The following KIF26B variants were observed in gnomAD, a reference collection of about 807,000 sequenced individuals.
KIF26B encodes the protein kinesin-like protein KIF26B.
A neutral mutation model predicts 151.2 loss-of-function variants in KIF26B; 63 were observed. The ratio of observed to expected loss-of-function variants is 0.42; its 90% CI spans 0.34 to 0.51. The LOEUF (loss-of-function observed/expected upper bound fraction) is 0.51. Among genes scored for constraint, KIF26B ranks in the 20% least tolerant of loss-of-function variants. The pLI is 0.07. For missense variants in KIF26B, 2,813 were observed against 2,913.6 expected (o/e 0.97, Z 0.79); for synonymous variants, 1,357 against 1,262.1 (o/e 1.08, Z -1.59).
At position 245,512,092 on chromosome 1, in the gene KIF26B, G is replaced by A. The variant is rs974613603; in HGVS notation, c.1167-28675G>A. Among the ~76,000 whole-genome samples, 10 of 152,076 alleles carry A rather than the reference G, an allele frequency of 6.6e-5. No individual in the cohort carries two copies. Among genetic ancestry groups the A allele is most frequent in the Non-Finnish European group, 1.3e-4 (9 of 68,010 alleles). ...TGGCTGATATTTTTTATGGTCATTT[G>A]CAACTTTTTAAAAAAAGTCCATACG... On this transcript the variant is annotated intron_variant, in intron 4 of 14. Transcript: ENST00000407071. This position sits in a 1 kb window ranked among gnomAD's most constrained non-coding sequence, Gnocchi z 4.3.
At chr1:245,175,695 G>A (rs967797935) in intron 2 of KIF26B, among the ~76,000 whole-genome samples, 2 of 152,074 alleles carry the variant, frequency 1.3e-5, no homozygotes, top group African/African-American at 4.8e-5. Context: ...AAATAGTGAA[G>A]AGACCATAAT....
intron 5 of KIF26B, among the ~76,000 whole-genome samples, chr1:245,583,434 C>T (rs1388302004): frequency 6.6e-6 from 1 of 152,178 alleles, no homozygotes; most frequent in African/African-American, 2.4e-5. Context: ...GAGACTCTCT[C>T]TCTCTGCATG....
chr1:245,531,227 A>T (rs1661351282), intron 4 of KIF26B, among the ~76,000 whole-genome samples: 1 of 152,236 alleles, frequency 6.6e-6, no homozygotes, highest in African/African-American at 2.4e-5. Context: ...TTTTATCTTC[A>T]TTATTAGATA....
chr1:245,248,441 G>A (rs142310919), intron 2 of KIF26B, among the ~76,000 whole-genome samples: 1 of 152,314 alleles, frequency 6.6e-6, no homozygotes, highest in Non-Finnish European at 1.5e-5. Flanking sequence ...TTTCCTGTAT[G>A]AAGATACACA....
At chr1:245,335,486 TG>T (rs1558393040) in intron 2 of KIF26B, among the ~76,000 whole-genome samples, 23 of 151,936 alleles carry the variant, frequency 1.5e-4, no homozygotes, top group Admixed American at 4.6e-4. Flanking sequence ...GTCTGGACTG[TG>T]AGGGAGGAAG....
chr1:245,590,392 A>C (rs1309112896), intron 5 of KIF26B, among the ~76,000 whole-genome samples: 1 of 152,264 alleles, frequency 6.6e-6, no homozygotes, highest in Non-Finnish European at 1.5e-5. Flanking sequence ...CATCTAAAAA[A>C]ATTCTAATTA....
chr1:245,702,716 G>GT lies in KIF26B; in HGVS notation c.*110_*111insT. 7.8e-7 allele frequency: 1 copy of GT among 1,283,216 alleles called. No homozygotes were observed. Among genetic ancestry groups the GT allele is most frequent in the South Asian group, 1.7e-5 (1 of 58,998 alleles). The allele number at this position is 1,283,216 out of a possible 1,614,324, so 79.5% of individuals were successfully genotyped here. ...ATCAAAGACAATGAATGAGGATGAA[G>GT]GTTGGTGGCAAGTCTGGAGCGGGCG... is the stretch of plus-strand genomic sequence containing the variant. On this transcript the variant is annotated 3_prime_UTR_variant, in exon 15 of 15. Coordinates refer to ENST00000407071, the MANE Select transcript of KIF26B (RefSeq NM_018012.4). The surrounding 1 kb of genome is among the most constrained non-coding windows in gnomAD (Gnocchi z 4.1).
At chr1:245,477,600 A>T (rs2103067245) in intron 4 of KIF26B, among the ~76,000 whole-genome samples, 1 of 152,004 alleles carries the variant, frequency 6.6e-6, no homozygotes, top group South Asian at 2.1e-4. Flanking sequence ...GGGCAGAGGC[A>T]TAGAGGAAGT....
intron 9 of KIF26B, among the ~76,000 whole-genome samples, chr1:245,636,546 T>C (rs1202244515): frequency 6.6e-6 from 1 of 151,714 alleles, no homozygotes; most frequent in Non-Finnish European, 1.5e-5. Context: ...TGGGAATGTT[T>C]ATTATTAACT....
At chr1:245,296,957 T>C (rs1183913191) in intron 2 of KIF26B, among the ~76,000 whole-genome samples, 1 of 152,220 alleles carries the variant, frequency 6.6e-6, no homozygotes, top group Non-Finnish European at 1.5e-5. Flanking sequence ...GTGTATATGC[T>C]GAAGCAAGCA....
At chr1:245,517,374 T>C (rs1293522501) in intron 4 of KIF26B, among the ~76,000 whole-genome samples, 1 of 148,076 alleles carries the variant, frequency 6.8e-6, no homozygotes, top group Non-Finnish European at 1.5e-5. Flanking sequence ...AAAAAGGAAA[T>C]GGGAGAAATA....
chr1:245,541,708 G>T (rs1401382497), intron 5 of KIF26B, among the ~76,000 whole-genome samples: 1 of 152,170 alleles, frequency 6.6e-6, no homozygotes, highest in East Asian at 1.9e-4. Flanking sequence ...GACCTCACTG[G>T]TCCTTTACAG....
At chr1:245,272,526 TA>T (rs1573745714) in intron 2 of KIF26B, among the ~76,000 whole-genome samples, 2 of 152,222 alleles carry the variant, frequency 1.3e-5, no homozygotes. Flanking sequence ...TTCTTTCAAT[TA>T]TAATCTTTAT....
rs147574874 is a variant in KIF26B, at chr1:245,250,868, T to C, written c.465+94185T>C. ...GGGGTTCCCAAGACCACTTCTAGGC[T>C]CAGTAACTCACTAGGTTGCTCAAGA... On this transcript the variant is annotated intron_variant, in intron 2 of 14. Transcript: ENST00000407071. Among the ~76,000 whole-genome samples the C allele has an allele frequency of 4.2e-3, 638 of 152,330 alleles. 2 individuals are homozygous for C. Among genetic ancestry groups the C allele is most frequent in the Admixed American group, 8.4e-3 (128 of 15,294 alleles).
Position 245,685,916 on chromosome 1 carries a change from A to G in KIF26B, c.2933A>G (p.Asp978Gly). ...AAGASPLSES[D>G]KEDNGSEGQL... is the part of the protein sequence containing the mutation. ...GGGGCAAGCCCACTCTCTGAGTCTG[A>G]TAAGGAAGATAATGGGTCCGAAGGT... Residue 978 changes from aspartate to glycine, a missense_variant, in exon 12 of 15, where the codon GAT (aspartate) becomes GGT (glycine). By Grantham distance (94) the Asp-to-Gly change is moderately conservative. This residue lies in a region of KIF26B where 2,060 missense variants were observed against 2,088.6 expected (regional missense o/e 0.99). Coordinates refer to ENST00000407071, the MANE Select transcript of KIF26B (RefSeq NM_018012.4). 6.2e-7 allele frequency: 1 copy of G among 1,612,872 alleles called. No homozygotes were observed. Among genetic ancestry groups the G allele is most frequent in the Non-Finnish European group, 8.5e-7 (1 of 1,179,640 alleles).
rs1344705042 is a variant in KIF26B, at chr1:245,560,800, ACT to A, written c.1350+19855_1350+19856del. ...CCTCGCACTCTCATCACTGCCCCTC[ACT>A]CTCTGTCCCCACAGCACAGGGACAG... is the stretch of plus-strand genomic sequence containing the variant. On this transcript the variant is annotated intron_variant, in intron 5 of 14. Transcript: ENST00000407071. The surrounding 1 kb of genome is among the most constrained non-coding windows in gnomAD (Gnocchi z 4.3). Among the ~76,000 whole-genome samples the A allele has an allele frequency of 6.6e-6, 1 of 151,408 alleles. No individual in the cohort carries two copies. The highest frequency in any genetic ancestry group is 2.4e-5 in the African/African-American group (1 of 41,140).
rs990937555 is a variant in KIF26B at position 245,218,282 on chromosome 1, G to A, written c.465+61599G>A. On this transcript the variant is annotated intron_variant, in intron 2 of 14. Coordinates refer to ENST00000407071, the MANE Select transcript of KIF26B (RefSeq NM_018012.4). This position sits in a 1 kb window ranked among gnomAD's most constrained non-coding sequence, Gnocchi z 4.1. Reference sequence around the variant, plus strand: ...GGGGTGCCTTAGGGTCCCCTCAGCAGATGGATCCCATCTCCTGGTCTGGTT... The same window carrying A: ...GGGGTGCCTTAGGGTCCCCTCAGCAAATGGATCCCATCTCCTGGTCTGGTT... 6.6e-6 allele frequency among the ~76,000 whole-genome samples: 1 copy of A among 152,190 alleles called. No individual in the cohort carries two copies. Among genetic ancestry groups the A allele is most frequent in the Non-Finnish European group, 1.5e-5 (1 of 68,034 alleles).
At chr1:245,490,735 A>G (rs1448318649) in intron 4 of KIF26B, among the ~76,000 whole-genome samples, 2 of 152,168 alleles carry the variant, frequency 1.3e-5, no homozygotes, top group Non-Finnish European at 2.9e-5. Flanking sequence ...TTTTCCATTC[A>G]TTCTACCTTG....
At chr1:245,539,900 G>A (rs550493842) in intron 4 of KIF26B, among the ~76,000 whole-genome samples, 3 of 152,284 alleles carry the variant, frequency 2.0e-5, no homozygotes, top group South Asian at 2.1e-4. Context: ...TGAGCTGCCT[G>A]CCTCGGCCTC....
Sources: allele counts gnomAD v4.1 joint callset (sites outside exome capture counted in the v4.1 genomes callset), GRCh38; gene constraint gnomAD v4.1.1; regional missense constraint gnomAD v4.1.1; non-coding constraint Gnocchi (gnomAD v3.1); transcripts MANE v1.5; gene names NCBI Gene and HGNC (gene_info 2026-07-23, HGNC 2026-07-21).